Variants in PRICKLE1 observed in about 807,000 individuals in gnomAD.
The protein encoded by PRICKLE1 is prickle planar cell polarity protein 1.
Under a neutral mutation model 70.2 loss-of-function variants are expected in PRICKLE1, and 14 were observed. The observed-to-expected ratio is 0.20, with a 90% confidence interval of 0.13 to 0.31. The LOEUF is 0.31. Among genes scored for constraint, PRICKLE1 ranks in the 10% least tolerant of loss-of-function variants. The pLI is 1.00. For missense variants in PRICKLE1, 821 were observed against 1,026.2 expected (o/e 0.80, Z 2.73); for synonymous variants, 357 against 379.9 (o/e 0.94, Z 0.70).
intron 1 of PRICKLE1, among the ~76,000 whole-genome samples, chr12:42,563,621 T>A (rs560777559): frequency 1.4e-5 from 2 of 139,184 alleles, no homozygotes; most frequent in South Asian, 4.5e-4. Context: ...GAGAATGGTG[T>A]GAACCTGGGA....
intron 1 of PRICKLE1, among the ~76,000 whole-genome samples, chr12:42,540,962 A>G (rs1384545882): frequency 6.6e-6 from 1 of 152,072 alleles, no homozygotes; most frequent in Non-Finnish European, 1.5e-5. Context: ...CAACATATCT[A>G]TTTATGGGTA....
chr12:42,564,843 T>C (rs1940595176), intron 1 of PRICKLE1, among the ~76,000 whole-genome samples: 1 of 152,180 alleles, frequency 6.6e-6, no homozygotes, highest in African/African-American at 2.4e-5. Context: ...TATCCAGATG[T>C]AGAGCTCAAC....
chr12:42,525,460 A>G (rs1374069937), intron 1 of PRICKLE1, among the ~76,000 whole-genome samples: 1 of 152,198 alleles, frequency 6.6e-6, no homozygotes, highest in Admixed American at 6.5e-5. Flanking sequence ...GGGGCTTGCT[A>G]CTGGCCTTGA....
intron 1 of PRICKLE1, among the ~76,000 whole-genome samples, chr12:42,575,932 C>T (rs1016012619): frequency 3.3e-5 from 5 of 152,194 alleles, no homozygotes; most frequent in Non-Finnish European, 7.3e-5. Context: ...TGCCTCTGTG[C>T]TACTGCTATA....
At chr12:42,470,878 C>G (rs1449357928) in intron 2 of PRICKLE1, among the ~76,000 whole-genome samples, 1 of 151,660 alleles carries the variant, frequency 6.6e-6, no homozygotes, top group East Asian at 1.9e-4. Context: ...TGCACTCCAG[C>G]CTGAGTGACA....
At chr12:42,536,037 C>T (rs1257613427) in intron 1 of PRICKLE1, among the ~76,000 whole-genome samples, 2 of 152,202 alleles carry the variant, frequency 1.3e-5, no homozygotes, top group Admixed American at 6.5e-5. Flanking sequence ...TTCAAAGCAA[C>T]ACCCGAGTAA....
chr12:42,570,590 C>T (rs927587582), intron 1 of PRICKLE1, among the ~76,000 whole-genome samples: 2 of 152,156 alleles, frequency 1.3e-5, no homozygotes, highest in African/African-American at 2.4e-5. Context: ...GAGGCCGAAG[C>T]GGGTGGATCA....
At chr12:42,500,399 C>A (rs180766496) in intron 1 of PRICKLE1, among the ~76,000 whole-genome samples, 1 of 152,298 alleles carries the variant, frequency 6.6e-6, no homozygotes, top group East Asian at 1.9e-4. Context: ...AGTATCAGTA[C>A]GTACTAAGCA....
At chr12:42,563,702 CAAAAAAAAAAAA>C (rs11367725) in intron 1 of PRICKLE1, among the ~76,000 whole-genome samples, 10 of 46,512 alleles carry the variant, frequency 2.1e-4, no homozygotes, top group Admixed American at 1.1e-3. Context: ...GACTCTGTCT[CAAAAAAAAAAAA>C]AAAAAAAAAA....
intron 1 of PRICKLE1, among the ~76,000 whole-genome samples, chr12:42,511,711 G>C (rs190063639): frequency 6.6e-6 from 1 of 152,288 alleles, no homozygotes; most frequent in East Asian, 1.9e-4. Context: ...CATGTATAAA[G>C]AGTATTATTT....
chr12:42,570,702 C>A (rs537660357), intron 1 of PRICKLE1, among the ~76,000 whole-genome samples: 1 of 152,270 alleles, frequency 6.6e-6, no homozygotes, highest in South Asian at 2.1e-4. Flanking sequence ...TGCCTGTAAT[C>A]CCAGCTACTT....
intron 1 of PRICKLE1, among the ~76,000 whole-genome samples, chr12:42,562,942 CA>C (rs1163077654): frequency 1.3e-5 from 2 of 152,110 alleles, no homozygotes; most frequent in East Asian, 1.9e-4. Flanking sequence ...GTAATCTCAG[CA>C]CTTTGGGAGG....
At chr12:42,548,984 T>G (rs1940259478) in intron 1 of PRICKLE1, among the ~76,000 whole-genome samples, 1 of 151,002 alleles carries the variant, frequency 6.6e-6, no homozygotes, top group Admixed American at 6.6e-5. Context: ...AGCTGTGTGA[T>G]AGCTTGTGCC....
At chr12:42,485,077 T>A (rs1669916) in intron 1 of PRICKLE1, among the ~76,000 whole-genome samples, 2 of 151,640 alleles carry the variant, frequency 1.3e-5, no homozygotes, top group African/African-American at 2.4e-5. Context: ...TTCCTTGGGA[T>A]TGATTTGCAA....
chr12:42,550,954 T>C (rs1940304257), intron 1 of PRICKLE1, among the ~76,000 whole-genome samples: 1 of 152,208 alleles, frequency 6.6e-6, no homozygotes, highest in African/African-American at 2.4e-5. Flanking sequence ...ATCATTTACT[T>C]TCCTTGGGAA....
chr12:42,549,124 A>AC (rs1054547404), intron 1 of PRICKLE1, among the ~76,000 whole-genome samples: 17 of 130,894 alleles, frequency 1.3e-4, no homozygotes, highest in African/African-American at 4.3e-4. Flanking sequence ...GTCTCCAAAA[A>AC]AAAAAAAAAA....
chr12:42,460,291 G>A lies in PRICKLE1; in HGVS notation c.2014C>T (p.His672Tyr). 1 of 1,614,134 alleles carries A rather than the reference G, an allele frequency of 6.2e-7. No individual in the cohort carries two copies. The highest frequency in any genetic ancestry group is 1.1e-5 in the South Asian group (1 of 91,080). The change falls in exon 8 of 8, where the codon CAC (histidine) becomes TAC (tyrosine). Residue 672 changes from histidine (H) to tyrosine (Y), a missense_variant. Coordinates refer to ENST00000345127, the MANE Select transcript of PRICKLE1 (RefSeq NM_153026.3). ...TTTCTACTTCTCCGGCGGCGGTGGT[G>A]ATGAGACCTGGATCCCCTCTCTTCA... Reference protein sequence around the residue: ...NFEERGSRSHHHRRRRSRKSR... With the variant: ...NFEERGSRSHYHRRRRSRKSR...
chr12:42,542,773 T>C (rs1407801240), intron 1 of PRICKLE1, among the ~76,000 whole-genome samples: 1 of 152,212 alleles, frequency 6.6e-6, no homozygotes, highest in Non-Finnish European at 1.5e-5. Context: ...GACAGTTGTC[T>C]TACAGAAGGG....
intron 1 of PRICKLE1, among the ~76,000 whole-genome samples, chr12:42,584,011 G>T (rs1940946510): frequency 6.6e-6 from 1 of 152,066 alleles, no homozygotes; most frequent in Non-Finnish European, 1.5e-5. Context: ...ATATCTAGTA[G>T]CTATTAAAAG....
Sources: allele counts gnomAD v4.1 joint callset (sites outside exome capture counted in the v4.1 genomes callset), GRCh38; gene constraint gnomAD v4.1.1; transcripts MANE v1.5; gene names NCBI Gene and HGNC (gene_info 2026-07-23, HGNC 2026-07-21).